The following TMTC1 variants were observed in gnomAD, a reference collection of about 807,000 sequenced individuals.
TMTC1 encodes the protein transmembrane O-mannosyltransferase targeting cadherins 1, also known as protein O-mannosyl-transferase TMTC1.
A neutral mutation model predicts 104.8 loss-of-function variants in TMTC1; 73 were observed. The ratio of observed to expected loss-of-function variants is 0.70; its 90% CI spans 0.58 to 0.85. TMTC1 has a LOEUF of 0.85. Among genes scored for constraint, TMTC1 ranks in the 40% least tolerant of loss-of-function variants. The pLI is 0.00. For missense variants in TMTC1, 1,035 were observed against 1,096.1 expected (o/e 0.94, Z 0.79); for synonymous variants, 434 against 428.7 (o/e 1.01, Z -0.15).
rs1565631062 is a variant in TMTC1 at position 29,506,820 on chromosome 12, CTA to C, written c.*24_*25del. On this transcript the variant is annotated 3_prime_UTR_variant, in exon 18 of 18. Coordinates refer to ENST00000539277, the MANE Select transcript of TMTC1 (RefSeq NM_001193451.2). ...CCCCTTTCAGAGGCACCACATTATC[CTA>C]TGAGGTTGGGTCAGACGGTGGTGCT... 6.2e-7 allele frequency: 1 copy of C among 1,613,608 alleles called. No homozygotes were observed. Among genetic ancestry groups the C allele is most frequent in the Non-Finnish European group, 8.5e-7 (1 of 1,179,660 alleles).
rs554061767 is a variant in TMTC1, at chr12:29,765,090, C to A, written c.480+2808G>T. Among the ~76,000 whole-genome samples, 5 of 152,264 alleles carry A rather than the reference C, an allele frequency of 3.3e-5. No homozygotes were observed. In the East Asian group the frequency reaches 9.6e-4, roughly 29 times the overall value. ...GTCTATGGTTTTATAGTAAAACATG[C>A]CATTGGCCCAGCATCACATATTCTA... On this transcript the variant is annotated intron_variant, in intron 2 of 17. Transcript: ENST00000539277.
chr12:29,652,692 G>T (rs1939577671), intron 5 of TMTC1, among the ~76,000 whole-genome samples: 1 of 152,162 alleles, frequency 6.6e-6, no homozygotes, highest in South Asian at 2.1e-4. Context: ...TATGGTTTCT[G>T]CCCTTGAGAA....
At chr12:29,687,675 T>C (rs1941137628) in intron 5 of TMTC1, among the ~76,000 whole-genome samples, 2 of 152,242 alleles carry the variant, frequency 1.3e-5, no homozygotes, top group African/African-American at 2.4e-5. Context: ...TACAAAATAC[T>C]ACTGACTAGG....
chr12:29,566,747 A>G (rs543965874), intron 9 of TMTC1, among the ~76,000 whole-genome samples: 6 of 152,286 alleles, frequency 3.9e-5, no homozygotes, highest in African/African-American at 1.4e-4. Flanking sequence ...TATTGCTTTA[A>G]GTCTTTTATA....
intron 17 of TMTC1, 49 bp downstream of exon 17, chr12:29,511,994 A>G (rs1343731179): frequency 6.5e-7 from 1 of 1,531,280 alleles, no homozygotes; most frequent in East Asian, 2.2e-5. Context: ...CAGAGAGAGA[A>G]AACACAGGGG....
intron 10 of TMTC1, among the ~76,000 whole-genome samples, chr12:29,543,885 T>C (rs1944869771): frequency 6.6e-6 from 1 of 152,186 alleles, no homozygotes; most frequent in Non-Finnish European, 1.5e-5. Flanking sequence ...TGCTTGACTT[T>C]CTACAGAAGC....
intron 5 of TMTC1, among the ~76,000 whole-genome samples, chr12:29,648,682 C>T (rs1939382340): frequency 1.3e-5 from 2 of 151,950 alleles, no homozygotes; most frequent in Admixed American, 1.3e-4. Context: ...CCAGTGCCAT[C>T]CAATAGAAAG....
intron 9 of TMTC1, among the ~76,000 whole-genome samples, chr12:29,571,509 C>A (rs1259398694): frequency 6.6e-6 from 1 of 151,688 alleles, no homozygotes. Flanking sequence ...TCTCTTGAAG[C>A]CATATCTAAG....
At chr12:29,540,082 A>G (rs1236010958) in intron 10 of TMTC1, among the ~76,000 whole-genome samples, 1 of 152,136 alleles carries the variant, frequency 6.6e-6, no homozygotes, top group African/African-American at 2.4e-5. Context: ...CATAGGAAAA[A>G]TATGGTAGGA....
rs1164700225 is a variant in TMTC1, at chr12:29,663,937, A to G, written c.939-30601T>C. Among the ~76,000 whole-genome samples, 3 of 152,158 alleles carry G rather than the reference A, an allele frequency of 2.0e-5. No individual in the cohort carries two copies. The East Asian group carries it at 5.8e-4, about 29-fold the overall frequency. ...TTTCTCAAGAAGCTAAAGGCACCAA[A>G]TAATTTATTGTTAAAATGTAGCGGC... On this transcript the variant is annotated intron_variant, in intron 5 of 17. Coordinates refer to ENST00000539277, the MANE Select transcript of TMTC1 (RefSeq NM_001193451.2).
At chr12:29,680,563 T>TATTGG (rs1940880393) in intron 5 of TMTC1, among the ~76,000 whole-genome samples, 1 of 152,218 alleles carries the variant, frequency 6.6e-6, no homozygotes, top group African/African-American at 2.4e-5. Flanking sequence ...TACGTTACAG[T>TATTGG]CAATATTGCC....
chr12:29,552,291 CA>C (rs1945126444), intron 10 of TMTC1, among the ~76,000 whole-genome samples: 1 of 151,834 alleles, frequency 6.6e-6, no homozygotes. Context: ...AAAGAATGCA[CA>C]CCATCTCAGT....
At chr12:29,536,780 A>C (rs2136203328) in intron 10 of TMTC1, among the ~76,000 whole-genome samples, 2 of 586 alleles carry the variant, frequency 3.4e-3, no homozygotes, top group African/African-American at 5.3e-3. Flanking sequence ...AAACCAGGCC[A>C]AACTGCTTAA....
intron 8 of TMTC1, 101 bp downstream of exon 8, chr12:29,583,306 T>C (rs896142244): frequency 1.9e-6 from 2 of 1,063,866 alleles, no homozygotes; most frequent in African/African-American, 1.6e-5. Context: ...TAATTTTCCT[T>C]AGTAAATACT....
chr12:29,612,280 C>T (rs1946865043), intron 6 of TMTC1, among the ~76,000 whole-genome samples: 5 of 152,136 alleles, frequency 3.3e-5, no homozygotes, highest in African/African-American at 7.2e-5. Context: ...CAGATAAATG[C>T]AAGCACAAGA....
intron 11 of TMTC1, chr12:29,532,428 A>T (rs541736638): frequency 6.6e-6 from 1 of 152,328 alleles, no homozygotes; most frequent in East Asian, 1.9e-4. Context: ...ATGCCACAAA[A>T]GAAAATAAAA....
chr12:29,540,976 C>T lies in TMTC1; in HGVS notation c.1677-4659G>A, dbSNP rs187981299. On this transcript the variant is annotated intron_variant, in intron 10 of 17. Coordinates refer to ENST00000539277, the MANE Select transcript of TMTC1 (RefSeq NM_001193451.2). ...CGCCACTGCACTCCAGCCTGGGCGA[C>T]AGAGTGAGACTCTGTCTCAAAAAAA... Among the ~76,000 whole-genome samples the T allele has an allele frequency of 7.3e-4, 109 of 149,424 alleles. 1 individual carries two copies. The highest frequency in any genetic ancestry group is 2.6e-3 in the South Asian group (12 of 4,548).
intron 14 of TMTC1, 74 bp downstream of exon 14, chr12:29,517,353 G>T: frequency 6.5e-7 from 1 of 1,534,592 alleles, no homozygotes; most frequent in Non-Finnish European, 8.9e-7. Context: ...CAGTTTTGAG[G>T]CGTGAGGACT....
intron 5 of TMTC1, among the ~76,000 whole-genome samples, chr12:29,670,934 C>CAAAAAAAAAAAAAAAA (rs374719241): frequency 1.0e-4 from 7 of 68,516 alleles, no homozygotes; most frequent in South Asian, 5.1e-4. Context: ...GACTCTGTCT[C>CAAAAAAAAAAAAAAAA]AAAAAAAAAG....
Sources: allele counts gnomAD v4.1 joint callset (sites outside exome capture counted in the v4.1 genomes callset), GRCh38; gene constraint gnomAD v4.1.1; transcripts MANE v1.5; gene names NCBI Gene and HGNC (gene_info 2026-07-23, HGNC 2026-07-21).